SGMS1: variants seen among roughly 807,000 people sequenced by gnomAD.
SGMS1 encodes phosphatidylcholine:ceramide cholinephosphotransferase 1.
In SGMS1, 13 loss-of-function variants were observed where a neutral mutation model predicts 46.2. The observed-to-expected ratio is 0.28, with a 90% confidence interval of 0.18 to 0.45. The LOEUF is 0.45. Among genes scored for constraint, SGMS1 ranks in the 20% least tolerant of loss-of-function variants. The pLI, the probability that SGMS1 is intolerant of heterozygous loss-of-function variation, is 1.00. For synonymous variants in SGMS1, 203 were observed against 187.8 expected, an observed-to-expected ratio of 1.08 and a Z score of -0.66; for missense variants, 324 against 519.9, an observed-to-expected ratio of 0.62 and a Z score of 3.66.
intron 6 of SGMS1, among the ~76,000 whole-genome samples, chr10:50,432,538 T>TTAAC (rs57387567): frequency 0.21 from 32,099 of 152,040 alleles, 3,394 homozygotes; most frequent in Admixed American, 0.25. Context: ...TGCCAGCTTG[T>TTAAC]TAACATCTAC....
chr10:50,570,723 C>T (rs1838329859), intron 2 of SGMS1, among the ~76,000 whole-genome samples: 1 of 152,128 alleles, frequency 6.6e-6, no homozygotes, highest in Non-Finnish European at 1.5e-5. Context: ...TTGCTTAAGC[C>T]CAGGACTTTG....
chr10:50,397,860 GT>G (rs1427067830), intron 6 of SGMS1, among the ~76,000 whole-genome samples: 1 of 152,206 alleles, frequency 6.6e-6, no homozygotes, highest in Non-Finnish European at 1.5e-5. Context: ...CTAAAATCAA[GT>G]AAGTTATGTG....
chr10:50,576,246 G>A (rs190494974), intron 2 of SGMS1, among the ~76,000 whole-genome samples: 6 of 152,158 alleles, frequency 3.9e-5, no homozygotes, highest in Admixed American at 3.9e-4. Flanking sequence ...AAACACAATG[G>A]CCAGTTCATC....
rs568884421 is a variant in SGMS1, at chr10:50,306,137, C to T, written c.*1005G>A. 1 of 152,724 alleles carries T rather than the reference C, an allele frequency of 6.5e-6. No individual in the cohort carries two copies. Among genetic ancestry groups the T allele is most frequent in the Admixed American group, 6.5e-5 (1 of 15,296 alleles). 9.5% of individuals were successfully genotyped at this position (152,724 alleles called of 1,614,324 possible). On this transcript the variant is annotated 3_prime_UTR_variant, in exon 11 of 11. Coordinates refer to ENST00000361781, the MANE Select transcript of SGMS1 (RefSeq NM_147156.4). The stretch of plus-strand genomic sequence containing the variant: ...TCATTGAGTAGTTAAAATTGAACTA[C>T]CAAATCGACGATAAAATAATTTAAG...
intron 6 of SGMS1, among the ~76,000 whole-genome samples, chr10:50,416,400 T>A (rs553003689): frequency 5.3e-5 from 8 of 152,344 alleles, no homozygotes; most frequent in Admixed American, 3.3e-4. Flanking sequence ...AATGAAGTAA[T>A]GTATACAAAG....
chr10:50,624,513 G>C (rs1002705809), upstream of SGMS1: 1 of 867,274 alleles, frequency 1.2e-6, no homozygotes, highest in East Asian at 1.2e-4. Flanking sequence ...AGCCTCTGGC[G>C]ACGCCTGGGA....
At chr10:50,436,378 A>G (rs574269891) in intron 5 of SGMS1, among the ~76,000 whole-genome samples, 39 of 152,268 alleles carry the variant, frequency 2.6e-4, no homozygotes, top group African/African-American at 9.1e-4. Context: ...AAGTGCTAAC[A>G]ACCAACTTTT....
chr10:50,400,923 G>A (rs146317125), intron 6 of SGMS1, among the ~76,000 whole-genome samples: 2 of 152,240 alleles, frequency 1.3e-5, no homozygotes, highest in East Asian at 3.9e-4. Context: ...GCTCCCAAGT[G>A]CCTCCACTCA....
At chr10:50,623,132 G>T (rs899146220) in intron 1 of SGMS1, among the ~76,000 whole-genome samples, 2 of 152,030 alleles carry the variant, frequency 1.3e-5, no homozygotes. Context: ...GGGAGGGGGG[G>T]TCCCACCTGT....
chr10:50,435,882 G>A (rs1226837209), intron 5 of SGMS1, among the ~76,000 whole-genome samples: 1 of 152,162 alleles, frequency 6.6e-6, no homozygotes, highest in East Asian at 1.9e-4. Flanking sequence ...CCCTCTTTGG[G>A]ACTCACTCCA....
chr10:50,624,726 GC>G (rs1838903314), upstream of SGMS1: 1 of 985,302 alleles, frequency 1.0e-6, no homozygotes, highest in Non-Finnish European at 1.2e-6. Context: ...GTTTTCCTCT[GC>G]TCCCCGAGCG....
At chr10:50,476,973 G>A (rs1226789060) in intron 3 of SGMS1, among the ~76,000 whole-genome samples, 4 of 152,266 alleles carry the variant, frequency 2.6e-5, no homozygotes, top group Non-Finnish European at 5.9e-5. Context: ...GTGCAGAGGG[G>A]AAATGTAGGG....
chr10:50,542,587 C>T (rs1356450928), intron 2 of SGMS1, among the ~76,000 whole-genome samples: 1 of 150,776 alleles, frequency 6.6e-6, no homozygotes, highest in Non-Finnish European at 1.5e-5. Flanking sequence ...AAGCAAACTA[C>T]CATAAAGAAA....
chr10:50,624,657 C>T (rs1252005313), upstream of SGMS1: 1 of 985,346 alleles, frequency 1.0e-6, no homozygotes, highest in Non-Finnish European at 1.2e-6. Context: ...GCGGCTAGGC[C>T]GGGGTCGGAG....
At chr10:50,372,476 C>T (rs559205098) in intron 6 of SGMS1, among the ~76,000 whole-genome samples, 10 of 152,180 alleles carry the variant, frequency 6.6e-5, no homozygotes, top group East Asian at 5.8e-4. Flanking sequence ...GGGTGGATCA[C>T]GAGGTCAGGA....
At chr10:50,449,809 T>A (rs1332328908) in intron 5 of SGMS1, among the ~76,000 whole-genome samples, 3 of 152,048 alleles carry the variant, frequency 2.0e-5, no homozygotes, top group African/African-American at 4.8e-5. Flanking sequence ...TAGTTTGTCA[T>A]CTTTCTCCCA....
chr10:50,563,440 C>T (rs1342647405), intron 2 of SGMS1, among the ~76,000 whole-genome samples: 1 of 152,206 alleles, frequency 6.6e-6, no homozygotes, highest in Non-Finnish European at 1.5e-5. Context: ...GTTAAATCCT[C>T]TTACATAAGA....
At chr10:50,342,295 AC>A (rs1275287633) in intron 7 of SGMS1, 4 of 152,214 alleles carry the variant, frequency 2.6e-5, no homozygotes, top group East Asian at 1.9e-4. Flanking sequence ...ACAGAAAAAA[AC>A]GTCTTCCACC....
chr10:50,450,242 C>T (rs1205919736), intron 5 of SGMS1, among the ~76,000 whole-genome samples: 1 of 152,082 alleles, frequency 6.6e-6, no homozygotes, highest in Non-Finnish European at 1.5e-5. Context: ...TTATACTTTA[C>T]AGGAAACAAA....
Sources: gnomAD v4.1 joint callset for allele counts (sites outside exome capture counted in the v4.1 genomes callset) on GRCh38, gnomAD v4.1.1 for gene constraint, MANE v1.5 for transcripts, NCBI Gene and HGNC (gene_info 2026-07-23, HGNC 2026-07-21) for gene names.